Variants in ST6GALNAC3 observed in about 807,000 individuals in gnomAD.
ST6GALNAC3 encodes the protein alpha-N-acetylgalactosaminide alpha-2,6-sialyltransferase 3.
Under a neutral mutation model 32.7 loss-of-function variants are expected in ST6GALNAC3, and 25 were observed. The observed-to-expected ratio is 0.76, with a 90% CI of 0.56 to 1.07. The LOEUF (loss-of-function observed/expected upper bound fraction) is 1.07. Among genes scored for constraint, ST6GALNAC3 ranks in the 50% least tolerant of loss-of-function variants. ST6GALNAC3 has a pLI of 0.00. For missense variants in ST6GALNAC3, 355 were observed against 382.4 expected, an observed-to-expected ratio of 0.93 and a Z score of 0.60; for synonymous variants, 129 against 133.1, an observed-to-expected ratio of 0.97 and a Z score of 0.21.
At chr1:76,461,315 C>T (rs1380735939) in intron 3 of ST6GALNAC3, among the ~76,000 whole-genome samples, 2 of 152,110 alleles carry the variant, frequency 1.3e-5, no homozygotes, top group Admixed American at 1.3e-4. Flanking sequence ...TAGTTTCTCC[C>T]CTGGTGGTTG....
intron 2 of ST6GALNAC3, among the ~76,000 whole-genome samples, chr1:76,355,249 A>T (rs921926643): frequency 2.6e-5 from 4 of 152,220 alleles, no homozygotes; most frequent in Non-Finnish European, 5.9e-5. Flanking sequence ...TCTTTTAAAG[A>T]AAACATTTTA....
chr1:76,554,361 C>G (rs184142360), intron 3 of ST6GALNAC3, among the ~76,000 whole-genome samples: 1 of 152,106 alleles, frequency 6.6e-6, no homozygotes, highest in African/African-American at 2.4e-5. Context: ...TACCTAAAAA[C>G]TTCTGCTATG....
intron 3 of ST6GALNAC3, among the ~76,000 whole-genome samples, chr1:76,412,791 A>T (rs1301169103): frequency 6.6e-6 from 1 of 152,120 alleles, no homozygotes; most frequent in Non-Finnish European, 1.5e-5. Context: ...GCATTAATCT[A>T]AACTCCTCTG....
intron 2 of ST6GALNAC3, among the ~76,000 whole-genome samples, chr1:76,316,161 C>G (rs1320059347): frequency 2.0e-5 from 3 of 152,120 alleles, no homozygotes; most frequent in Non-Finnish European, 4.4e-5. Flanking sequence ...ACAACAGATA[C>G]TATTGTATAC....
At chr1:76,337,572 T>G (rs536052059) in intron 2 of ST6GALNAC3, among the ~76,000 whole-genome samples, 1 of 152,182 alleles carries the variant, frequency 6.6e-6, no homozygotes, top group African/African-American at 2.4e-5. Flanking sequence ...TTGGCAATAC[T>G]TGATGCCTAA....
intron 3 of ST6GALNAC3, among the ~76,000 whole-genome samples, chr1:76,578,612 G>A (rs961684991): frequency 1.3e-5 from 2 of 151,924 alleles, no homozygotes; most frequent in Non-Finnish European, 2.9e-5. Context: ...TTTCTAAGTC[G>A]AGTGCATTTT....
At chr1:76,448,008 C>T (rs1657108253) in intron 3 of ST6GALNAC3, among the ~76,000 whole-genome samples, 1 of 152,080 alleles carries the variant, frequency 6.6e-6, no homozygotes, top group Non-Finnish European at 1.5e-5. Context: ...ATGGTAGATC[C>T]ACCTACAGCT....
At chr1:76,136,232 T>C (rs550278848) in intron 1 of ST6GALNAC3, among the ~76,000 whole-genome samples, 1 of 152,354 alleles carries the variant, frequency 6.6e-6, no homozygotes, top group African/African-American at 2.4e-5. Flanking sequence ...GGCAGGAACC[T>C]GGTCAACAGC....
chr1:76,083,608 A>G (rs553705159), intron 1 of ST6GALNAC3, among the ~76,000 whole-genome samples: 42 of 152,242 alleles, frequency 2.8e-4, no homozygotes, highest in Non-Finnish European at 5.0e-4. Context: ...GCAGAAATAT[A>G]ATGTAGGCTT....
intron 1 of ST6GALNAC3, among the ~76,000 whole-genome samples, chr1:76,096,968 G>C (rs952819975): frequency 1.3e-5 from 2 of 150,876 alleles, no homozygotes; most frequent in African/African-American, 4.9e-5. Flanking sequence ...ACCCAGGCTG[G>C]AGCACAGTGG....
intron 1 of ST6GALNAC3, among the ~76,000 whole-genome samples, chr1:76,154,187 A>T (rs1570222996): frequency 6.6e-6 from 1 of 151,952 alleles, no homozygotes; most frequent in Middle Eastern, 3.4e-3. Context: ...GATCATGAGG[A>T]GGAGAAAACA....
In ST6GALNAC3 at chr1:76,475,980, G is replaced by A. The variant is rs991454404; in HGVS notation, c.623+63563G>A. Among the ~76,000 whole-genome samples, 13 of 152,274 alleles carry A rather than the reference G, an allele frequency of 8.5e-5. No individual in the cohort carries two copies. The South Asian group carries it at 1.0e-3, about 12-fold the overall frequency. Reference sequence around the variant, plus strand: ...TTTTCTGTTCTTGTGTTAGTTTGCTGAGAATGACGATTTCCAGCTTCATCC... The same window carrying A: ...TTTTCTGTTCTTGTGTTAGTTTGCTAAGAATGACGATTTCCAGCTTCATCC... On this transcript the variant is annotated intron_variant, in intron 3 of 4. Transcript: ENST00000328299.
chr1:76,208,365 TTA>T (rs1654952049), intron 1 of ST6GALNAC3, among the ~76,000 whole-genome samples: 1 of 152,270 alleles, frequency 6.6e-6, no homozygotes, highest in Non-Finnish European at 1.5e-5. Context: ...CATTTTCACT[TTA>T]TCTTTGAAAG....
rs1557640913 is a variant in ST6GALNAC3, at chr1:76,629,139, T to C, written c.*333T>C. The C allele has an allele frequency of 9.5e-7, 1 of 1,058,016 alleles. No individual in the cohort carries two copies. The allele number at this position is 1,058,016 out of a possible 1,614,324, so 65.5% of individuals were successfully genotyped here. On this transcript the variant is annotated 3_prime_UTR_variant, in exon 5 of 5. Coordinates refer to ENST00000328299, the MANE Select transcript of ST6GALNAC3 (RefSeq NM_152996.4). The stretch of plus-strand genomic sequence containing the variant: ...TTTCAAGATAGCTGCCTAGAATTGT[T>C]CAACAGTGAGTAACTTCCAGAAGCC...
intron 1 of ST6GALNAC3, among the ~76,000 whole-genome samples, chr1:76,085,074 A>G (rs1646947450): frequency 6.6e-6 from 1 of 152,206 alleles, no homozygotes; most frequent in South Asian, 2.1e-4. Flanking sequence ...CTGAGTAAGA[A>G]TGGCTTTTGT....
chr1:76,459,602 T>C (rs1296304514), intron 3 of ST6GALNAC3, among the ~76,000 whole-genome samples: 1 of 151,704 alleles, frequency 6.6e-6, no homozygotes, highest in Non-Finnish European at 1.5e-5. Context: ...TATGGGCTGT[T>C]GAGGGAGTAG....
At chr1:76,410,917 A>G (rs531780284) in intron 2 of ST6GALNAC3, among the ~76,000 whole-genome samples, 4 of 152,282 alleles carry the variant, frequency 2.6e-5, no homozygotes, top group Non-Finnish European at 4.4e-5. Context: ...AGACATAATT[A>G]AACAATAAAG....
At chr1:76,259,446 TG>T (rs1236140190) in intron 1 of ST6GALNAC3, among the ~76,000 whole-genome samples, 1 of 152,162 alleles carries the variant, frequency 6.6e-6, no homozygotes, top group East Asian at 1.9e-4. Context: ...CATGCAGTGT[TG>T]GGTAAAACAC....
chr1:76,627,168 G>C (rs1011326210), intron 3 of ST6GALNAC3, among the ~76,000 whole-genome samples: 6 of 151,916 alleles, frequency 3.9e-5, no homozygotes, highest in Non-Finnish European at 8.8e-5. Flanking sequence ...CACCTGAAGG[G>C]ATAAGATTAT....
Sources: gnomAD v4.1 joint callset for allele counts (sites outside exome capture counted in the v4.1 genomes callset) on GRCh38, gnomAD v4.1.1 for gene constraint, MANE v1.5 for transcripts, NCBI Gene and HGNC (gene_info 2026-07-23, HGNC 2026-07-21) for gene names.